The following FCGRT variants were observed in gnomAD, a reference collection of about 807,000 sequenced individuals.
FCGRT encodes IgG receptor FcRn large subunit p51.
Under a neutral mutation model 35.7 loss-of-function variants are expected in FCGRT, and 13 were observed. That is an observed-to-expected ratio of 0.36 (90% CI 0.24 to 0.58). FCGRT has a LOEUF of 0.58. Among genes scored for constraint, FCGRT ranks in the 20% least tolerant of loss-of-function variants. FCGRT has a pLI of 0.77. For missense variants in FCGRT, 455 were observed against 474.9 expected, an observed-to-expected ratio of 0.96 and a Z score of 0.39; for synonymous variants, 233 against 216.5, an observed-to-expected ratio of 1.08 and a Z score of -0.67.
Position 49,514,096 on chromosome 19 carries a change from G to T in FCGRT, c.288G>T (p.Lys96Asn). The T allele has an allele frequency of 6.2e-7, 1 of 1,612,042 alleles. No homozygotes were observed. The highest frequency in any genetic ancestry group is 8.5e-7 in the Non-Finnish European group (1 of 1,179,962). The change falls in exon 3 of 7, where the codon AAG (lysine) becomes AAT (asparagine). Residue 96 changes from lysine to asparagine, a missense_variant. Lys to Asn is a moderately conservative substitution (Grantham distance 94). Transcript: ENST00000221466. ...CCACAGATCTGAGGATCAAGGAGAA[G>T]CTCTTTCTGGAAGCTTTCAAAGCTT... ...KETTDLRIKE[K>N]LFLEAFKALG...
rs1490571310 is a variant in FCGRT, at chr19:49,514,229, G to A, written c.344G>A (p.Gly115Asp). The A allele has an allele frequency of 1.9e-6, 3 of 1,610,602 alleles. No homozygotes were observed. The change falls in exon 4 of 7, where the codon GGC (glycine) becomes GAC (aspartate). Residue 115 changes from glycine to aspartate, a missense_variant. By Grantham distance (94) the Gly-to-Asp change is moderately conservative (BLOSUM62 -1). This residue lies in a region of FCGRT where 136 missense variants were observed against 158.9 expected (regional missense o/e 0.86). Coordinates refer to ENST00000221466, the MANE Select transcript of FCGRT (RefSeq NM_001136019.3). ...LGGKGPYTLQ[G>D]LLGCELGPDN... Reference sequence around the variant, plus strand: ...GCCCCAGGTCCCTACACTCTGCAGGGCCTGCTGGGCTGTGAACTGGGCCCT... The same window carrying A: ...GCCCCAGGTCCCTACACTCTGCAGGACCTGCTGGGCTGTGAACTGGGCCCT...
At chr19:49,522,780 T>C (rs1172747341) in intron 4 of FCGRT, among the ~76,000 whole-genome samples, 1 of 127,016 alleles carries the variant, frequency 7.9e-6, no homozygotes, top group African/African-American at 3.1e-5. Flanking sequence ...CTTTTTTTTT[T>C]TTTTTTTTTT....
chr19:49,524,013 C>CT (rs200152928), intron 4 of FCGRT, among the ~76,000 whole-genome samples: 3,256 of 144,702 alleles, frequency 0.023, 47 homozygotes, highest in Non-Finnish European at 0.033. Flanking sequence ...TATCCTCTAT[C>CT]TTTTTTTTTT....
At position 49,524,513 on chromosome 19, in the gene FCGRT, C is replaced by T. The variant is rs780596384; in HGVS notation, c.608C>T (p.Pro203Leu). 6.2e-7 allele frequency: 1 copy of T among 1,606,026 alleles called. No individual in the cohort carries two copies. Among genetic ancestry groups the T allele is most frequent in the South Asian group, 1.1e-5 (1 of 90,952 alleles). The change falls in exon 5 of 7, where the codon CCC becomes CTC. Residue 203 changes from proline to leucine, a missense_variant. This residue lies in a region of FCGRT where 312 missense variants were observed against 296.1 expected (regional missense o/e 1.05). Transcript: ENST00000221466. ...TCTGCCTGATTTCCTGCAGAGCCCCCCTCCATGCGCCTGAAGGCCCGACCC... is the reference window on the plus strand; with the variant it reads ...TCTGCCTGATTTCCTGCAGAGCCCCTCTCCATGCGCCTGAAGGCCCGACCC... ...GRGNLEWKEPPSMRLKARPSS... is the reference protein window; with the variant it reads ...GRGNLEWKEPLSMRLKARPSS...
In FCGRT at chr19:49,526,163, C is replaced by T. The variant is rs2122703538; in HGVS notation, c.*44C>T. 1.5e-6 allele frequency: 2 copies of T among 1,314,572 alleles called. No homozygotes were observed. The highest frequency in any genetic ancestry group is 2.3e-5 in the East Asian group (1 of 43,490). The allele number at this position is 1,314,572 out of a possible 1,614,324, so 81.4% of individuals were successfully genotyped here. ...GCTAAAAGCGAATGTAGTCAGGCCC[C>T]TTTCATGCTGTGAGACCTCCTGGAA... On this transcript the variant is annotated 3_prime_UTR_variant, in exon 7 of 7. Transcript: ENST00000221466.
intron 4 of FCGRT, among the ~76,000 whole-genome samples, chr19:49,522,425 T>A (rs897073552): frequency 2.0e-5 from 3 of 151,510 alleles, no homozygotes; most frequent in South Asian, 4.2e-4. Context: ...TTAAATTTTT[T>A]AAAATTTTTA....
At chr19:49,517,384 G>A (rs752660704) in intron 4 of FCGRT, among the ~76,000 whole-genome samples, 2 of 151,996 alleles carry the variant, frequency 1.3e-5, no homozygotes, top group East Asian at 1.9e-4. Flanking sequence ...CCAGCTATTC[G>A]GGAGGCTGAG....
intron 2 of FCGRT, 50 bp downstream of exon 2, chr19:49,513,523 C>G: frequency 2.7e-6 from 3 of 1,126,358 alleles, no homozygotes; most frequent in Non-Finnish European, 3.4e-6. Flanking sequence ...CGGCGGGAGG[C>G]GGCCCCAGGC....
rs1249250468 is a variant in FCGRT at position 49,513,488 on chromosome 19, G to A, written c.73+15G>A. The A allele has an allele frequency of 8.1e-7, 1 of 1,239,042 alleles. No homozygotes were observed. Among genetic ancestry groups the A allele is most frequent in the Non-Finnish European group, 1.0e-6 (1 of 985,682 alleles). 76.8% of individuals were successfully genotyped at this position (1,239,042 alleles called of 1,614,324 possible). A position where few individuals can be genotyped will look rare whatever the true frequency, so the allele number is the denominator to read the frequency against. On this transcript the variant is annotated intron_variant, in intron 2 of 6. Transcript: ENST00000221466. ...CCTGGGCGCAGGTGAGGGCCGCTCC[G>A]GGCCAGGGCCCTGCTGCAGGCGGGC...
intron 4 of FCGRT, chr19:49,521,879 A>C (rs1222732498): frequency 6.6e-6 from 1 of 152,040 alleles, no homozygotes; most frequent in African/African-American, 2.4e-5. Context: ...CATGTTGCCC[A>C]GGCTGGTCTT....
At position 49,513,368 on chromosome 19, in the gene FCGRT, G is replaced by A. The variant is rs2079985037; in HGVS notation, c.-14-19G>A. The A allele has an allele frequency of 2.2e-5, 19 of 880,882 alleles. No homozygotes were observed. Among genetic ancestry groups the A allele is most frequent in the Admixed American group, 5.0e-5 (1 of 20,002 alleles). 54.6% of individuals were successfully genotyped at this position (880,882 alleles called of 1,614,324 possible). ...CGGGCCGGGGGTCGGGAGGAGTCACGTGCCCCCTCCCGCCCCAGGTCGTCC... is the reference window on the plus strand; with the variant it reads ...CGGGCCGGGGGTCGGGAGGAGTCACATGCCCCCTCCCGCCCCAGGTCGTCC... On this transcript the variant is annotated intron_variant, in intron 1 of 6. Coordinates refer to ENST00000221466, the MANE Select transcript of FCGRT (RefSeq NM_001136019.3).
chr19:49,526,102 A>C lies in FCGRT; in HGVS notation c.1081A>C (p.Ile361Leu). 1 of 1,612,250 alleles carries C rather than the reference A, an allele frequency of 6.2e-7. No individual in the cohort carries two copies. The highest frequency in any genetic ancestry group is 8.5e-7 in the Non-Finnish European group (1 of 1,178,538). The change falls in exon 7 of 7, where the codon ATT becomes CTT. Residue 361 changes from isoleucine to leucine, a missense_variant. Transcript: ENST00000221466. Reference protein sequence around the residue: ...QDADLKDVNVIPATA With the variant: ...QDADLKDVNVLPATA ...TGCTGATTTGAAGGATGTAAATGTGATTCCAGCCACCGCCTGACCATCCGC... is the reference window on the plus strand; with the variant it reads ...TGCTGATTTGAAGGATGTAAATGTGCTTCCAGCCACCGCCTGACCATCCGC...
At position 49,525,253 on chromosome 19, in the gene FCGRT, C is replaced by T. The variant is rs563462455; in HGVS notation, c.872-204C>T. On this transcript the variant is annotated intron_variant, in intron 5 of 6. Transcript: ENST00000221466. ...GCTGCTGATCCATTGCCGGTGTGAC[C>T]GCGGCCGCTCGTGCTGTAGCTGGTT... The T allele has an allele frequency of 1.6e-3, 931 of 568,306 alleles. 1 individual carries two copies. The highest frequency in any genetic ancestry group is 2.5e-3 in the Admixed American group (99 of 38,918). 35.2% of individuals were successfully genotyped at this position (568,306 alleles called of 1,614,324 possible). A position where few individuals can be genotyped will look rare whatever the true frequency, so the allele number is the denominator to read the frequency against.
chr19:49,525,107 G>A (rs2080066350), intron 5 of FCGRT: 2 of 544,270 alleles, frequency 3.7e-6, no homozygotes, highest in African/African-American at 1.9e-5. Context: ...TTCGTTGTCT[G>A]CTATGCCCGT....
chr19:49,521,246 G>C (rs2080039125), intron 4 of FCGRT: 6 of 152,184 alleles, frequency 3.9e-5, no homozygotes. Flanking sequence ...TTTTTGTAGA[G>C]ATGGGGTATT....
chr19:49,514,997 C>CCTTT (rs1555809303), intron 4 of FCGRT, among the ~76,000 whole-genome samples: 3 of 141,488 alleles, frequency 2.1e-5, no homozygotes, highest in African/African-American at 7.8e-5. Context: ...TGGCTCCCCC[C>CCTTT]TTTTTTTTTT....
At chr19:49,523,648 C>T (rs543420691) in intron 4 of FCGRT, among the ~76,000 whole-genome samples, 62 of 151,972 alleles carry the variant, frequency 4.1e-4, no homozygotes, top group African/African-American at 1.4e-3. Flanking sequence ...ATCATGAGGT[C>T]AGGAGATTGA....
chr19:49,525,929 A>C, intron 6 of FCGRT, 81 bp from the exon 7 acceptor site: 1 of 850,076 alleles, frequency 1.2e-6, no homozygotes, highest in Non-Finnish European at 2.0e-6. Flanking sequence ...TGTGTGAGAC[A>C]CACACACAAA....
chr19:49,525,944 G>A (rs1568704879), intron 6 of FCGRT, 66 bp from the exon 7 acceptor site: 1 of 940,540 alleles, frequency 1.1e-6, no homozygotes, highest in Admixed American at 1.7e-5. Context: ...CACAAATGGG[G>A]GACGCCAGTC....
Sources: allele counts gnomAD v4.1 joint callset (sites outside exome capture counted in the v4.1 genomes callset), GRCh38; gene constraint gnomAD v4.1.1; regional missense constraint gnomAD v4.1.1; transcripts MANE v1.5; gene names NCBI Gene and HGNC (gene_info 2026-07-23, HGNC 2026-07-21).